NCKAP5: variants seen among roughly 807,000 people sequenced by gnomAD.
NCKAP5 encodes the protein NCK associated protein 5, also known as nck-associated protein 5.
In NCKAP5, 92 loss-of-function variants were observed where a neutral mutation model predicts 167.0. The ratio of observed to expected loss-of-function variants is 0.55; its 90% CI spans 0.47 to 0.66. The LOEUF is 0.66. NCKAP5 is among the 30% of genes least tolerant of loss of function. The pLI is 0.00. For synonymous variants in NCKAP5, 891 were observed against 877.4 expected (o/e 1.02, Z -0.27); for missense variants, 2,378 against 2,315.0 (o/e 1.03, Z -0.56).
chr2:133,181,643 T>C (rs1028892812), intron 5 of NCKAP5, among the ~76,000 whole-genome samples: 8 of 136,156 alleles, frequency 5.9e-5, no homozygotes, highest in South Asian at 2.3e-4. Context: ...CCAGGCATGG[T>C]GGTTCATGCC....
intron 3 of NCKAP5, among the ~76,000 whole-genome samples, chr2:133,448,373 A>T (rs1193736185): frequency 6.6e-6 from 1 of 152,206 alleles, no homozygotes; most frequent in Non-Finnish European, 1.5e-5. Context: ...TTTCATTGAC[A>T]TGAGAGGAAG....
At chr2:133,033,303 G>C (rs2078939868) in intron 6 of NCKAP5, among the ~76,000 whole-genome samples, 1 of 152,234 alleles carries the variant, frequency 6.6e-6, no homozygotes, top group Non-Finnish European at 1.5e-5. Flanking sequence ...GTGTAACTGG[G>C]CTTGGGGTGC....
intron 11 of NCKAP5, among the ~76,000 whole-genome samples, chr2:132,821,573 A>T (rs977836061): frequency 3.3e-5 from 5 of 152,172 alleles, no homozygotes; most frequent in African/African-American, 1.2e-4. Context: ...TGTTGTGGAT[A>T]GGAGTGAGCT....
intron 3 of NCKAP5, among the ~76,000 whole-genome samples, chr2:133,382,262 G>C (rs1353064600): frequency 6.6e-6 from 1 of 152,146 alleles, no homozygotes; most frequent in Non-Finnish European, 1.5e-5. Context: ...TACTATGGTA[G>C]TGTTAAATAC....
chr2:132,937,964 T>TA (rs1696983035), intron 8 of NCKAP5, among the ~76,000 whole-genome samples: 1 of 152,246 alleles, frequency 6.6e-6, no homozygotes, highest in Non-Finnish European at 1.5e-5. Flanking sequence ...GACCCTCTGA[T>TA]ACATTACATG....
At chr2:133,281,470 T>C (rs912762175) in intron 4 of NCKAP5, among the ~76,000 whole-genome samples, 2 of 152,154 alleles carry the variant, frequency 1.3e-5, no homozygotes, top group Admixed American at 1.3e-4. Context: ...GTTAAAAATA[T>C]CAAGAAGCCT....
chr2:133,628,205 C>T, the NCKAP5 span, among the ~76,000 whole-genome samples: 1 of 152,124 alleles, frequency 6.6e-6, no homozygotes, highest in Non-Finnish European at 1.5e-5. Context: ...GTCAAACTGT[C>T]TCTGTTTGTA....
intron 2 of NCKAP5, among the ~76,000 whole-genome samples, chr2:133,518,897 G>A (rs1684249273): frequency 6.6e-6 from 1 of 152,186 alleles, no homozygotes; most frequent in Admixed American, 6.5e-5. Context: ...TTCAGAAGGT[G>A]CTTTGAGATA....
At chr2:133,448,046 C>T (rs569650858) in intron 3 of NCKAP5, among the ~76,000 whole-genome samples, 7 of 152,228 alleles carry the variant, frequency 4.6e-5, no homozygotes, top group East Asian at 1.9e-4. Flanking sequence ...TAGCAAGAAG[C>T]GCCACACACA....
At chr2:133,284,212 A>T (rs893082589) in intron 4 of NCKAP5, among the ~76,000 whole-genome samples, 1 of 151,996 alleles carries the variant, frequency 6.6e-6, no homozygotes, top group Non-Finnish European at 1.5e-5. Flanking sequence ...CATAGAATTA[A>T]TTACTAACCC....
At chr2:132,680,076 G>C (rs1298561412) in intron 19 of NCKAP5, among the ~76,000 whole-genome samples, 2 of 152,050 alleles carry the variant, frequency 1.3e-5, no homozygotes, top group Non-Finnish European at 2.9e-5. Flanking sequence ...GATCACTAGA[G>C]ACCCCTCCAC....
At chr2:133,105,795 T>TA (rs1006577532) in intron 6 of NCKAP5, among the ~76,000 whole-genome samples, 26 of 152,278 alleles carry the variant, frequency 1.7e-4, no homozygotes, top group Non-Finnish European at 3.8e-4. Context: ...TAGCATCTCT[T>TA]AAAAAAATGT....
chr2:133,125,861 AT>A (rs912461136), intron 6 of NCKAP5, among the ~76,000 whole-genome samples: 3 of 151,722 alleles, frequency 2.0e-5, no homozygotes, highest in African/African-American at 4.8e-5. Context: ...ATTTTTTTTT[AT>A]TGCCTAAATT....
intron 5 of NCKAP5, among the ~76,000 whole-genome samples, chr2:133,195,483 A>T (rs1024351365): frequency 2.6e-5 from 4 of 152,142 alleles, no homozygotes; most frequent in Admixed American, 2.0e-4. Context: ...CTTCCACTCA[A>T]GCCACTATCA....
chr2:133,130,675 T>C (rs1463621779), intron 5 of NCKAP5, among the ~76,000 whole-genome samples: 7 of 152,152 alleles, frequency 4.6e-5, no homozygotes, highest in Non-Finnish European at 1.0e-4. Context: ...TAATCCTAGA[T>C]AACTAGCTCA....
At chr2:133,521,954 T>G (rs538801390) in intron 2 of NCKAP5, among the ~76,000 whole-genome samples, 2 of 152,246 alleles carry the variant, frequency 1.3e-5, no homozygotes, top group East Asian at 3.9e-4. Context: ...ACTCCACACC[T>G]CTCTGCTTGT....
At position 133,128,841 on chromosome 2, in the gene NCKAP5, G is replaced by A. The variant is rs183706828; in HGVS notation, c.341+1137C>T. Among the ~76,000 whole-genome samples the A allele has an allele frequency of 9.2e-3, 1,396 of 151,858 alleles. 13 individuals are homozygous for A. The highest frequency in any genetic ancestry group is 0.034 in the Middle Eastern group (10 of 294). On this transcript the variant is annotated intron_variant, in intron 6 of 19. Coordinates refer to ENST00000409261, the MANE Select transcript of NCKAP5 (RefSeq NM_207363.3). ...TTGAACTCCTGACCTCAAATGATCC[G>A]CCCACCTTGGCCTTCCAAAGTCCTG...
intron 4 of NCKAP5, among the ~76,000 whole-genome samples, chr2:133,258,043 T>A (rs1055446242): frequency 1.3e-5 from 2 of 152,216 alleles, no homozygotes; most frequent in African/African-American, 4.8e-5. Context: ...AGGGCACTAT[T>A]ACTTACACTT....
chr2:133,056,343 C>G (rs936827669), intron 6 of NCKAP5, among the ~76,000 whole-genome samples: 1 of 152,132 alleles, frequency 6.6e-6, no homozygotes, highest in Non-Finnish European at 1.5e-5. Context: ...TTCAAATGAT[C>G]TTATTATATA....
Sources: gnomAD v4.1 joint callset for allele counts (sites outside exome capture counted in the v4.1 genomes callset) on GRCh38, gnomAD v4.1.1 for gene constraint, MANE v1.5 for transcripts, NCBI Gene and HGNC (gene_info 2026-07-23, HGNC 2026-07-21) for gene names.